DPYD: variants seen among roughly 807,000 people sequenced by gnomAD.
DPYD encodes dihydropyrimidine dehydrogenase [NADP(+)].
DPYD carries 109 observed loss-of-function variants against 116.2 expected under a neutral mutation model. That is an observed-to-expected ratio of 0.94 (90% CI 0.80 to 1.10). The LOEUF (loss-of-function observed/expected upper bound fraction) is 1.10, where lower values mean the gene tolerates loss of function less well. Among genes scored for constraint, DPYD ranks in the 50% least tolerant of loss-of-function variants. The pLI is 0.00. For missense variants in DPYD, 1,302 were observed against 1,254.5 expected, an observed-to-expected ratio of 1.04 and a Z score of -0.57; for synonymous variants, 440 against 432.0, an observed-to-expected ratio of 1.02 and a Z score of -0.23.
At chr1:97,670,151 C>T (rs1659779000) in intron 8 of DPYD, among the ~76,000 whole-genome samples, 1 of 152,126 alleles carries the variant, frequency 6.6e-6, no homozygotes, top group African/African-American at 2.4e-5. Flanking sequence ...TGACAATATC[C>T]ACTATCTCAG....
chr1:97,354,256 A>G (rs1439539766), intron 16 of DPYD, among the ~76,000 whole-genome samples: 2 of 152,148 alleles, frequency 1.3e-5, no homozygotes, highest in African/African-American at 4.8e-5. Context: ...TAATTCCACA[A>G]AAGACCAGGC....
At chr1:97,903,210 A>T (rs1673449812) in intron 1 of DPYD, among the ~76,000 whole-genome samples, 1 of 151,908 alleles carries the variant, frequency 6.6e-6, no homozygotes, top group Non-Finnish European at 1.5e-5. Flanking sequence ...GCAAAATTAA[A>T]ACTTGAAAAC....
chr1:97,247,292 A>G (rs2100795434), intron 18 of DPYD, among the ~76,000 whole-genome samples: 1 of 152,308 alleles, frequency 6.6e-6, no homozygotes, highest in Admixed American at 6.5e-5. Context: ...AAAAGAACTT[A>G]AGACTACATT....
chr1:97,636,399 G>T (rs182380857), intron 8 of DPYD, among the ~76,000 whole-genome samples: 4 of 151,630 alleles, frequency 2.6e-5, no homozygotes, highest in African/African-American at 9.7e-5. Context: ...GAGTCCTACC[G>T]CTTACAGCTG....
intron 3 of DPYD, among the ~76,000 whole-genome samples, chr1:97,775,818 A>G (rs1220157304): frequency 6.6e-6 from 1 of 152,196 alleles, no homozygotes; most frequent in African/African-American, 2.4e-5. Flanking sequence ...TAGTGAATTC[A>G]AGAAATCCCA....
At chr1:97,134,991 T>A (rs543512705) in intron 20 of DPYD, among the ~76,000 whole-genome samples, 5 of 151,550 alleles carry the variant, frequency 3.3e-5, no homozygotes, top group South Asian at 2.1e-4. Flanking sequence ...ATATATATAT[T>A]TTTTTTATTT....
chr1:97,306,277 G>A lies in DPYD; in HGVS notation c.2079C>T (p.Asn693=), dbSNP rs888246037. The A allele has an allele frequency of 1.9e-6, 3 of 1,612,248 alleles. No individual in the cohort carries two copies. In the African/African-American group the frequency reaches 4.0e-5, roughly 22 times the overall value. ...ACGQDPELVR[N]ICRWVRQAVQ... is the part of the protein sequence containing the mutation. ...CAGCTTGCCTAACCCAGCGGCAGAT[G>A]TTCCGCACCAGCTCTGGATCCTGTT... Residue 693 remains asparagine (N), a synonymous_variant, in exon 17 of 23, where the codon AAC becomes AAT. Coordinates refer to ENST00000370192, the MANE Select transcript of DPYD (RefSeq NM_000110.4).
chr1:97,640,746 C>T (rs780798009), intron 8 of DPYD, among the ~76,000 whole-genome samples: 42 of 152,086 alleles, frequency 2.8e-4, no homozygotes, highest in Admixed American at 1.6e-3. Context: ...ACAACTGCTA[C>T]TGCCATGAAG....
intron 13 of DPYD, among the ~76,000 whole-genome samples, chr1:97,469,474 T>C (rs1189700570): frequency 6.6e-6 from 1 of 150,456 alleles, no homozygotes; most frequent in East Asian, 1.9e-4. Flanking sequence ...CCTTTTTGGT[T>C]GTAGTTGATT....
chr1:97,609,723 T>C (rs1655818177), intron 8 of DPYD, among the ~76,000 whole-genome samples: 1 of 152,046 alleles, frequency 6.6e-6, no homozygotes, highest in African/African-American at 2.4e-5. Context: ...TTAATCTTTA[T>C]TGTTAGAGAG....
chr1:97,738,484 C>T (rs1296393529), intron 4 of DPYD, among the ~76,000 whole-genome samples: 4 of 152,098 alleles, frequency 2.6e-5, no homozygotes, highest in Non-Finnish European at 4.4e-5. Context: ...CTCAAAGAGG[C>T]GCAAGGCTCA....
chr1:97,458,188 A>G (rs1676802182), intron 13 of DPYD, among the ~76,000 whole-genome samples: 1 of 152,166 alleles, frequency 6.6e-6, no homozygotes, highest in Admixed American at 6.6e-5. Flanking sequence ...CAGAATTTTC[A>G]TTGGAAGTGA....
At chr1:97,476,743 A>T (rs1362269684) in intron 13 of DPYD, among the ~76,000 whole-genome samples, 1 of 152,206 alleles carries the variant, frequency 6.6e-6, no homozygotes, top group Admixed American at 6.5e-5. Flanking sequence ...ACTAAAAAAA[A>T]AACAGCTTAT....
intron 21 of DPYD, among the ~76,000 whole-genome samples, chr1:97,096,754 A>C (rs948687843): frequency 1.3e-5 from 2 of 152,124 alleles, no homozygotes; most frequent in Non-Finnish European, 2.9e-5. Context: ...AGAATATGGG[A>C]GGGGACAATA....
chr1:97,704,821 T>C (rs1661826966), intron 5 of DPYD, among the ~76,000 whole-genome samples: 1 of 152,030 alleles, frequency 6.6e-6, no homozygotes. Context: ...AATTTTTAAG[T>C]TGAAGGGTCA....
chr1:97,271,080 T>C (rs989873167), intron 18 of DPYD, among the ~76,000 whole-genome samples: 5 of 152,152 alleles, frequency 3.3e-5, no homozygotes, highest in African/African-American at 7.2e-5. Flanking sequence ...AAAGAATTCA[T>C]AGAGAAGGTT....
At chr1:97,355,532 A>T (rs541483152) in intron 16 of DPYD, among the ~76,000 whole-genome samples, 1 of 152,094 alleles carries the variant, frequency 6.6e-6, no homozygotes, top group Admixed American at 6.6e-5. Flanking sequence ...GAGACTTTAC[A>T]TCCTTTCACC....
At chr1:97,644,079 T>C (rs923162727) in intron 8 of DPYD, among the ~76,000 whole-genome samples, 1 of 151,556 alleles carries the variant, frequency 6.6e-6, no homozygotes, top group African/African-American at 2.4e-5. Context: ...ACTTAAAGTA[T>C]AATAAAAAAA....
Position 97,810,974 on chromosome 1 carries a change from T to C in DPYD, c.233+17140A>G, listed in dbSNP as rs369321289. On this transcript the variant is annotated intron_variant, in intron 3 of 22. Transcript: ENST00000370192. Reference sequence around the variant, plus strand: ...TCCGTACCCTCTGCGTTTTTCATATTGGTCTTCAGTTACTTTCATCTACCC... The same window carrying C: ...TCCGTACCCTCTGCGTTTTTCATATCGGTCTTCAGTTACTTTCATCTACCC... Among the ~76,000 whole-genome samples, 4 of 152,124 alleles carry C rather than the reference T, an allele frequency of 2.6e-5. No individual in the cohort carries two copies. The East Asian group carries it at 7.7e-4, about 29-fold the overall frequency.
Sources: allele counts gnomAD v4.1 joint callset (sites outside exome capture counted in the v4.1 genomes callset), GRCh38; gene constraint gnomAD v4.1.1; transcripts MANE v1.5; gene names NCBI Gene and HGNC (gene_info 2026-07-23, HGNC 2026-07-21).